Variants in BMP7 observed in about 807,000 individuals in gnomAD.
The protein encoded by BMP7 is bone morphogenetic protein 7.
BMP7 carries 12 observed loss-of-function variants against 41.2 expected under a neutral mutation model. The observed-to-expected ratio is 0.29, with a 90% CI of 0.19 to 0.47. The LOEUF (loss-of-function observed/expected upper bound fraction) is 0.47, where lower values mean the gene tolerates loss of function less well. Among genes scored for constraint, BMP7 ranks in the 20% least tolerant of loss-of-function variants. The pLI is 0.99. For synonymous variants in BMP7, 248 were observed against 250.0 expected (o/e 0.99, Z 0.07); for missense variants, 467 against 606.0 (o/e 0.77, Z 2.41).
chr20:57,198,778 T>A (rs1402835472), intron 3 of BMP7, among the ~76,000 whole-genome samples: 1 of 152,140 alleles, frequency 6.6e-6, no homozygotes, highest in Non-Finnish European at 1.5e-5. Flanking sequence ...GGGGCTCATG[T>A]GGGGTTAAAC....
rs1366261967 is a variant in BMP7, at chr20:57,171,586, T to C, written c.1147-478A>G. On this transcript the variant is annotated intron_variant, in intron 6 of 6. Coordinates refer to ENST00000395863, the MANE Select transcript of BMP7 (RefSeq NM_001719.3). The surrounding 1 kb of genome is among the most constrained non-coding windows in gnomAD (Gnocchi z 4.5). Reference sequence around the variant, plus strand: ...TAGACCGAGGTAAGACAATAGGGAATAGTGGGGACTAAGGCAAACTAAGGG... The same window carrying C: ...TAGACCGAGGTAAGACAATAGGGAACAGTGGGGACTAAGGCAAACTAAGGG... Among the ~76,000 whole-genome samples the C allele has an allele frequency of 6.6e-6, 1 of 152,148 alleles. No homozygotes were observed. Among genetic ancestry groups the C allele is most frequent in the Non-Finnish European group, 1.5e-5 (1 of 68,016 alleles).
intron 2 of BMP7, among the ~76,000 whole-genome samples, chr20:57,217,533 C>G (rs1262506158): frequency 6.6e-6 from 1 of 152,206 alleles, no homozygotes; most frequent in South Asian, 2.1e-4. Flanking sequence ...AGACATCGAG[C>G]CACAGCCAGA....
At chr20:57,210,471 CTATT>C (rs1190726511) in intron 2 of BMP7, among the ~76,000 whole-genome samples, 7 of 152,204 alleles carry the variant, frequency 4.6e-5, no homozygotes, top group African/African-American at 1.7e-4. Context: ...TACCTAGAGG[CTATT>C]TAGAGACTGA....
chr20:57,239,725 C>T (rs550477770), intron 1 of BMP7, among the ~76,000 whole-genome samples: 76 of 152,360 alleles, frequency 5.0e-4, no homozygotes, highest in Middle Eastern at 3.4e-3. Context: ...GATTCCCAAA[C>T]CTCAATTCTT....
rs1036084100 is a variant in BMP7 at position 57,266,440 on chromosome 20, AG to A, written c.-319del. On this transcript the variant is annotated 5_prime_UTR_variant, in exon 1 of 7. Coordinates refer to ENST00000395863, the MANE Select transcript of BMP7 (RefSeq NM_001719.3). ...GAGCAGCCAGCAAGCCTAGGAGTCC[AG>A]AGAGCCAACGCCGGGGAGGCAGCGA... The A allele has an allele frequency of 5.2e-6, 1 of 191,100 alleles. No individual in the cohort carries two copies. Among genetic ancestry groups the A allele is most frequent in the African/African-American group, 2.3e-5 (1 of 42,646 alleles). 11.8% of individuals were successfully genotyped at this position (191,100 alleles called of 1,614,324 possible).
intron 2 of BMP7, among the ~76,000 whole-genome samples, chr20:57,221,121 ACTC>A (rs757758134): frequency 1.3e-5 from 2 of 150,772 alleles, no homozygotes; most frequent in Non-Finnish European, 3.0e-5. Flanking sequence ...AACGAACAAA[ACTC>A]CTCCCCTTGT....
chr20:57,175,125 G>T, intron 4 of BMP7, 118 bp from the exon 5 acceptor site: 3 of 1,116,398 alleles, frequency 2.7e-6, no homozygotes, highest in Non-Finnish European at 3.9e-6. Flanking sequence ...AGACGGCTGG[G>T]GGGTAAATTT....
At position 57,212,195 on chromosome 20, in the gene BMP7, G is replaced by A. The variant is rs559858642; in HGVS notation, c.612-9572C>T. Among the ~76,000 whole-genome samples the A allele has an allele frequency of 1.1e-4, 17 of 152,236 alleles. No homozygotes were observed. The East Asian group carries it at 1.3e-3, about 12-fold the overall frequency. On this transcript the variant is annotated intron_variant, in intron 2 of 6. Transcript: ENST00000395863. ...CTAGATGTGAGGTGTGAGGGTGTGC[G>A]GGGAGGACGTTTTATAGAAACATCT...
chr20:57,172,593 AC>A (rs1302658204), intron 6 of BMP7, among the ~76,000 whole-genome samples: 3 of 151,582 alleles, frequency 2.0e-5, no homozygotes, highest in Non-Finnish European at 4.4e-5. Flanking sequence ...AGGTCCTTGA[AC>A]CTTGGATTCT....
In BMP7 at chr20:57,192,998, CGGCCTACCTGACA is replaced by C. The variant is rs1360031292; in HGVS notation, c.761-9092_761-9080del. Among the ~76,000 whole-genome samples the C allele has an allele frequency of 8.5e-5, 13 of 152,184 alleles. No individual in the cohort carries two copies. The East Asian group carries it at 2.5e-3, about 30-fold the overall frequency. The stretch of plus-strand genomic sequence containing the variant: ...GCAGCTGCCAGGTGGGAAAGGGGCC[CGGCCTACCTGACA>C]GGCAGGTAGAGGGGCCCAGAGGTCA... On this transcript the variant is annotated intron_variant, in intron 3 of 6. Transcript: ENST00000395863.
At chr20:57,219,280 G>T (rs1454949605) in intron 2 of BMP7, among the ~76,000 whole-genome samples, 5 of 150,450 alleles carry the variant, frequency 3.3e-5, no homozygotes, top group African/African-American at 1.0e-4. Flanking sequence ...GTGGTGTTTG[G>T]TGGTAGGTAG....
rs1218559541 is a variant in BMP7, at chr20:57,228,315, C to G, written c.525G>C (p.Arg175=). 6.2e-7 allele frequency: 1 copy of G among 1,614,110 alleles called. No individual in the cohort carries two copies. The highest frequency in any genetic ancestry group is 2.2e-5 in the East Asian group (1 of 44,880). The change falls in exon 2 of 7, where the codon CGG becomes CGC. Residue 175 remains arginine (R), a synonymous_variant. Coordinates refer to ENST00000395863, the MANE Select transcript of BMP7 (RefSeq NM_001719.3). The surrounding 1 kb of genome is among the most constrained non-coding windows in gnomAD (Gnocchi z 4.5). ...EGEAVTAAEF[R]IYKDYIRERF... ...GTTCCCGGATGTAGTCCTTGTAGAT[C>G]CGGAATTCGGCTGCCGTGACAGCTT...
intron 4 of BMP7, among the ~76,000 whole-genome samples, chr20:57,183,128 G>A (rs889116944): frequency 2.0e-5 from 3 of 152,012 alleles, no homozygotes; most frequent in Admixed American, 6.6e-5. Context: ...CCAGCTACTC[G>A]GGAGGCTGAG....
At chr20:57,207,889 G>A (rs112329397) in intron 2 of BMP7, among the ~76,000 whole-genome samples, 1,610 of 139,638 alleles carry the variant, frequency 0.012, 15 homozygotes, top group Non-Finnish European at 0.018. Flanking sequence ...GACTGCAGTG[G>A]CGCAATCTCG....
At chr20:57,195,981 G>A (rs1391187019) in intron 3 of BMP7, among the ~76,000 whole-genome samples, 1 of 152,152 alleles carries the variant, frequency 6.6e-6, no homozygotes, top group Non-Finnish European at 1.5e-5. Flanking sequence ...TGGAGAAAAG[G>A]GTCCCCAACG....
At chr20:57,253,986 T>TACC (rs1446702173) in intron 1 of BMP7, among the ~76,000 whole-genome samples, 1 of 150,218 alleles carries the variant, frequency 6.7e-6, no homozygotes, top group Non-Finnish European at 1.5e-5. Context: ...CAGTCCAGGA[T>TACC]ACCACATTGT....
chr20:57,172,536 G>T lies in BMP7; in HGVS notation c.1146+664C>A, dbSNP rs6123669. Among the ~76,000 whole-genome samples, 139 of 152,010 alleles carry T rather than the reference G, an allele frequency of 9.1e-4. 1 individual carries two copies. The highest frequency in any genetic ancestry group is 3.2e-3 in the African/African-American group (133 of 41,460). ...TTCAAGGCAGGGTGGATGATCAGTAGGCAGGAAAGGCTCAGATGATGTTCA... is the reference window on the plus strand; with the variant it reads ...TTCAAGGCAGGGTGGATGATCAGTATGCAGGAAAGGCTCAGATGATGTTCA... On this transcript the variant is annotated intron_variant, in intron 6 of 6. Transcript: ENST00000395863.
intron 3 of BMP7, among the ~76,000 whole-genome samples, chr20:57,196,580 A>T (rs1984495553): frequency 6.6e-6 from 1 of 152,124 alleles, no homozygotes; most frequent in South Asian, 2.1e-4. Flanking sequence ...TGTTCTAACA[A>T]CCAGATGCGG....
chr20:57,251,450 T>C (rs2066113253), intron 1 of BMP7, among the ~76,000 whole-genome samples: 1 of 152,210 alleles, frequency 6.6e-6, no homozygotes, highest in Non-Finnish European at 1.5e-5. Flanking sequence ...AAAGCCTCCC[T>C]GTGTTCGACA....
Sources: gnomAD v4.1 joint callset for allele counts (sites outside exome capture counted in the v4.1 genomes callset) on GRCh38, gnomAD v4.1.1 for gene constraint, Gnocchi (gnomAD v3.1) non-coding constraint, MANE v1.5 for transcripts, NCBI Gene and HGNC (gene_info 2026-07-23, HGNC 2026-07-21) for gene names.